Variants in GCNT2 observed in about 807,000 individuals in gnomAD.
GCNT2 encodes glucosaminyl (N-acetyl) transferase 2 (I blood group).
GCNT2 carries 34 observed loss-of-function variants against 34.2 expected under a neutral mutation model. That is an observed-to-expected ratio of 1.00 (90% confidence interval 0.76 to 1.32). The LOEUF is 1.32. Ranked by LOEUF, GCNT2 falls within the 40% of genes most tolerant of loss-of-function variation. GCNT2 has a pLI of 0.00. For missense variants in GCNT2, 584 were observed against 489.4 expected (o/e 1.19, Z -1.82); for synonymous variants, 212 against 188.0 (o/e 1.13, Z -1.04).
rs950065843 is a variant in GCNT2, at chr6:10,528,697, C to G, written c.-215C>G. ...CAAAGGAGCCACTTCAGAAATGTGT[C>G]ACAGAAAAGTGAAAATGCAACCTAG... On this transcript the variant is annotated 5_prime_UTR_variant, in exon 3 of 5. An upstream open reading frame in the 5' UTR gains an earlier in-frame stop. Coordinates refer to ENST00000495262, the MANE Select transcript of GCNT2 (RefSeq NM_145649.5). The G allele has an allele frequency of 3.3e-6, 2 of 600,184 alleles. No homozygotes were observed. Among genetic ancestry groups the G allele is most frequent in the South Asian group, 2.0e-5 (1 of 49,708 alleles). 37.2% of individuals were successfully genotyped at this position (600,184 alleles called of 1,614,324 possible). A position where few individuals can be genotyped will look rare whatever the true frequency, so the allele number is the denominator to read the frequency against.
intron 3 of GCNT2, among the ~76,000 whole-genome samples, chr6:10,535,779 G>A (rs1761723949): frequency 6.6e-6 from 1 of 152,160 alleles, no homozygotes; most frequent in Admixed American, 6.5e-5. Flanking sequence ...GTGGGAGGAA[G>A]GAGTGCCAAG....
In GCNT2 at chr6:10,547,131, A is replaced by G. The variant is rs75728022; in HGVS notation, c.925+17295A>G. 5.2e-3 allele frequency among the ~76,000 whole-genome samples: 785 copies of G among 152,298 alleles called. 6 individuals are homozygous for G. Among genetic ancestry groups the G allele is most frequent in the African/African-American group, 0.018 (739 of 41,570 alleles). Reference sequence around the variant, plus strand: ...TTATCCATATTTCCCAACCCATAATATTTTGTACACTTGCCTAATCATATC... The same window carrying G: ...TTATCCATATTTCCCAACCCATAATGTTTTGTACACTTGCCTAATCATATC... On this transcript the variant is annotated intron_variant, in intron 3 of 4. Transcript: ENST00000495262.
rs138042412 is a variant in GCNT2, at chr6:10,574,229, G to T, written c.925+44393G>T. On this transcript the variant is annotated intron_variant, in intron 3 of 4. Coordinates refer to ENST00000495262, the MANE Select transcript of GCNT2 (RefSeq NM_145649.5). ...CTGGCATATCTCGGACTGGCCAAGA[G>T]AAGCTTGTCCACTCATGGGTTCCTT... 9.0e-4 allele frequency among the ~76,000 whole-genome samples: 137 copies of T among 152,272 alleles called. 2 individuals are homozygous for T. The East Asian group carries it at 0.022, about 25-fold the overall frequency.
chr6:10,568,254 C>A (rs1033703690), intron 3 of GCNT2, among the ~76,000 whole-genome samples: 11 of 152,022 alleles, frequency 7.2e-5, no homozygotes, highest in Non-Finnish European at 1.5e-4. Flanking sequence ...TCCACGAGTG[C>A]CTGCTGACAT....
chr6:10,566,874 AGAGT>A (rs1488676439), intron 3 of GCNT2, among the ~76,000 whole-genome samples: 6 of 152,250 alleles, frequency 3.9e-5, no homozygotes, highest in African/African-American at 1.4e-4. Context: ...AGTGGGGTCC[AGAGT>A]AAGCCAAGGA....
At chr6:10,538,893 CA>C (rs1561785194) in intron 3 of GCNT2, among the ~76,000 whole-genome samples, 1 of 151,708 alleles carries the variant, frequency 6.6e-6, no homozygotes, top group Non-Finnish European at 1.5e-5. Flanking sequence ...TTTTTAAAAC[CA>C]AAAAATAATG....
chr6:10,621,452 C>CT lies in GCNT2; in HGVS notation c.1018+10dup. 3 of 1,573,590 alleles carry CT rather than the reference C, an allele frequency of 1.9e-6. No individual in the cohort carries two copies. The highest frequency in any genetic ancestry group is 2.6e-6 in the Non-Finnish European group (3 of 1,143,444). On this transcript the variant is annotated intron_variant, in intron 4 of 4. Transcript: ENST00000495262. ...ACACGGAGGCTGCCACGGTGAGGCT[C>CT]TCGTTCCATGCTTCTAGGCCACTGC...
At position 10,543,155 on chromosome 6, in the gene GCNT2, G is replaced by A. The variant is rs1025863081; in HGVS notation, c.925+13319G>A. Among the ~76,000 whole-genome samples the A allele has an allele frequency of 2.0e-5, 3 of 151,710 alleles. No homozygotes were observed. The East Asian group carries it at 5.8e-4, about 29-fold the overall frequency. ...ACGCCTGACCTCAAGTAATCCACCA[G>A]CCTCGGCCTCCCAAAGTGCTAGGAT... On this transcript the variant is annotated intron_variant, in intron 3 of 4. Coordinates refer to ENST00000495262, the MANE Select transcript of GCNT2 (RefSeq NM_145649.5).
intron 4 of GCNT2, among the ~76,000 whole-genome samples, chr6:10,623,994 T>C (rs1205179964): frequency 2.0e-5 from 3 of 152,186 alleles, no homozygotes; most frequent in African/African-American, 7.2e-5. Flanking sequence ...ATTACCACCA[T>C]CTGCCTTTTT....
intron 3 of GCNT2, among the ~76,000 whole-genome samples, chr6:10,561,026 C>CTGT (rs1762954549): frequency 6.6e-6 from 1 of 152,220 alleles, no homozygotes; most frequent in Non-Finnish European, 1.5e-5. Context: ...GAGCATCAGG[C>CTGT]TGTGACAGCC....
At chr6:10,622,440 C>CCTATGT (rs1766074106) in intron 4 of GCNT2, among the ~76,000 whole-genome samples, 2 of 151,830 alleles carry the variant, frequency 1.3e-5, no homozygotes, top group Admixed American at 1.3e-4. Flanking sequence ...TCCCTCTGTG[C>CCTATGT]GTGTCTGTGT....
At chr6:10,549,124 G>A (rs182645675) in intron 3 of GCNT2, among the ~76,000 whole-genome samples, 42 of 152,316 alleles carry the variant, frequency 2.8e-4, no homozygotes, top group African/African-American at 9.4e-4. Context: ...TTAGTGGGTA[G>A]AGGCCAGGGG....
At chr6:10,611,175 A>G (rs907104619) in intron 3 of GCNT2, among the ~76,000 whole-genome samples, 2 of 151,582 alleles carry the variant, frequency 1.3e-5, no homozygotes, top group African/African-American at 4.8e-5. Flanking sequence ...GCTTGAGTCC[A>G]GGAGTTTGAC....
intron 3 of GCNT2, chr6:10,556,386 T>A: frequency 1.2e-6 from 2 of 1,612,396 alleles, no homozygotes; most frequent in South Asian, 2.2e-5. Context: ...GACTTACAGA[T>A]TTTGACGGTC....
chr6:10,615,052 T>C (rs1414740880), intron 3 of GCNT2, among the ~76,000 whole-genome samples: 4 of 152,162 alleles, frequency 2.6e-5, no homozygotes, highest in African/African-American at 9.7e-5. Flanking sequence ...CCCAAGGATA[T>C]AGGGACCAGA....
chr6:10,568,475 T>G (rs1391817258), intron 3 of GCNT2, among the ~76,000 whole-genome samples: 1 of 152,190 alleles, frequency 6.6e-6, no homozygotes, highest in African/African-American at 2.4e-5. Context: ...TCAAGCAGAC[T>G]ATTGTCGGAC....
intron 3 of GCNT2, among the ~76,000 whole-genome samples, chr6:10,594,990 C>A (rs1311736912): frequency 3.3e-5 from 5 of 151,878 alleles, no homozygotes; most frequent in African/African-American, 1.2e-4. Context: ...GAACTATAAG[C>A]CTGCCTCACC....
At chr6:10,566,762 CTTAA>C (rs1170242638) in intron 3 of GCNT2, among the ~76,000 whole-genome samples, 2 of 152,220 alleles carry the variant, frequency 1.3e-5, no homozygotes, top group African/African-American at 4.8e-5. Context: ...CCTACACAGA[CTTAA>C]TTAAATGCAT....
chr6:10,523,331 C>G (rs1761013904), intron 1 of GCNT2, among the ~76,000 whole-genome samples: 1 of 150,028 alleles, frequency 6.7e-6, no homozygotes, highest in Non-Finnish European at 1.5e-5. Context: ...GAGGCTGAGG[C>G]AGGAGAATTG....
Sources: allele counts gnomAD v4.1 joint callset (sites outside exome capture counted in the v4.1 genomes callset), GRCh38; gene constraint gnomAD v4.1.1; transcripts MANE v1.5; gene names NCBI Gene and HGNC (gene_info 2026-07-23, HGNC 2026-07-21).